SUPT3H: variants seen among roughly 807,000 people sequenced by gnomAD.
The protein encoded by SUPT3H is transcription initiation protein SPT3 homolog.
SUPT3H carries 44 observed loss-of-function variants against 44.3 expected under a neutral mutation model. That is an observed-to-expected ratio of 0.99 (90% CI 0.78 to 1.28). SUPT3H has a LOEUF of 1.28. Ranked by LOEUF, SUPT3H falls within the 50% of genes most tolerant of loss-of-function variation. SUPT3H has a pLI of 0.00. For missense variants in SUPT3H, 380 were observed against 387.1 expected (o/e 0.98, Z 0.15); for synonymous variants, 124 against 125.6 (o/e 0.99, Z 0.09).
At chr6:45,062,472 T>C (rs1792276075) in intron 3 of SUPT3H, among the ~76,000 whole-genome samples, 1 of 152,060 alleles carries the variant, frequency 6.6e-6, no homozygotes. Context: ...GATGGCCGAA[T>C]AGGAACAGCT....
rs144762031 is a variant in SUPT3H, at chr6:44,845,787, T to C, written c.913-15930A>G. On this transcript the variant is annotated intron_variant, in intron 10 of 10. Coordinates refer to ENST00000371459, the MANE Select transcript of SUPT3H (RefSeq NM_003599.4). ...CAACCCGACACCAGGGGAAAATATC[T>C]CCCTTCTGGCTCCCCTATCTGCTGA... Among the ~76,000 whole-genome samples the C allele has an allele frequency of 2.6e-5, 4 of 152,258 alleles. No individual in the cohort carries two copies. In the East Asian group the frequency reaches 7.7e-4, roughly 29 times the overall value.
At chr6:45,355,154 T>C (rs13191493) in intron 2 of SUPT3H, among the ~76,000 whole-genome samples, 2,017 of 150,438 alleles carry the variant, frequency 0.013, 31 homozygotes, top group Middle Eastern at 0.038. Flanking sequence ...TTTTTTTTTT[T>C]AGAGATGGGG....
At chr6:44,968,443 G>T (rs1455023189) in intron 6 of SUPT3H, among the ~76,000 whole-genome samples, 1 of 152,138 alleles carries the variant, frequency 6.6e-6, no homozygotes, top group Admixed American at 6.5e-5. Flanking sequence ...GGTCCAGAAA[G>T]GTTAAAGGAT....
chr6:44,995,335 T>G (rs1781132964), intron 6 of SUPT3H, among the ~76,000 whole-genome samples: 1 of 152,052 alleles, frequency 6.6e-6, no homozygotes, highest in Admixed American at 6.6e-5. Context: ...AGTATGACAA[T>G]TCACAGACAA....
At chr6:44,903,549 T>A (rs952178049) in intron 10 of SUPT3H, among the ~76,000 whole-genome samples, 8 of 152,026 alleles carry the variant, frequency 5.3e-5, no homozygotes, top group South Asian at 4.2e-4. Context: ...ATAGCTTACC[T>A]ACCAAAAAAA....
intron 10 of SUPT3H, among the ~76,000 whole-genome samples, chr6:44,929,407 A>G (rs1460925215): frequency 1.3e-5 from 2 of 152,146 alleles, no homozygotes; most frequent in Non-Finnish European, 2.9e-5. Context: ...TGGGTATTCT[A>G]AATTAGATGT....
chr6:44,937,838 C>G (rs926267425), intron 9 of SUPT3H, among the ~76,000 whole-genome samples: 5 of 150,720 alleles, frequency 3.3e-5, no homozygotes, highest in African/African-American at 4.9e-5. Context: ...GGCTGTTAGT[C>G]CCCTGTCGGA....
At chr6:44,970,082 C>T (rs1427473610) in intron 6 of SUPT3H, among the ~76,000 whole-genome samples, 1 of 151,918 alleles carries the variant, frequency 6.6e-6, no homozygotes, top group Non-Finnish European at 1.5e-5. Context: ...TTATCTATAT[C>T]CTATGGGTCT....
At chr6:45,010,078 T>C (rs1292109428) in intron 5 of SUPT3H, among the ~76,000 whole-genome samples, 1 of 152,122 alleles carries the variant, frequency 6.6e-6, no homozygotes, top group Non-Finnish European at 1.5e-5. Context: ...TTCCAAAATA[T>C]TTTATTCTTT....
downstream of SUPT3H, among the ~76,000 whole-genome samples, chr6:44,826,001 T>C (rs1767717187): frequency 6.6e-6 from 1 of 152,240 alleles, no homozygotes; most frequent in African/African-American, 2.4e-5. Context: ...CCATGACTTA[T>C]GACAGCTTGA....
intron 6 of SUPT3H, among the ~76,000 whole-genome samples, chr6:44,995,016 G>A (rs1394632289): frequency 1.3e-5 from 2 of 151,714 alleles, no homozygotes; most frequent in Non-Finnish European, 2.9e-5. Context: ...CTGCTCTGAA[G>A]ATGGTCTGTA....
intron 2 of SUPT3H, among the ~76,000 whole-genome samples, chr6:45,134,609 T>G (rs1713442050): frequency 6.6e-6 from 1 of 151,636 alleles, no homozygotes; most frequent in African/African-American, 2.4e-5. Context: ...CAACAAGTAC[T>G]GCAAAAATAA....
At chr6:44,949,442 AG>A (rs1449148302) in intron 9 of SUPT3H, among the ~76,000 whole-genome samples, 1 of 152,064 alleles carries the variant, frequency 6.6e-6, no homozygotes, top group Non-Finnish European at 1.5e-5. Flanking sequence ...GTCAAAAAAA[AG>A]AAAAAAAAGA....
intron 3 of SUPT3H, among the ~76,000 whole-genome samples, chr6:45,035,770 T>C (rs1470648882): frequency 2.0e-5 from 3 of 152,136 alleles, no homozygotes; most frequent in Non-Finnish European, 4.4e-5. Flanking sequence ...CTTTCCGTTT[T>C]AATTTGCTTC....
rs781009613 is a variant in SUPT3H, at chr6:44,953,281, G to A, written c.801+29C>T. 9 of 1,566,458 alleles carry A rather than the reference G, an allele frequency of 5.7e-6. No individual in the cohort carries two copies. The South Asian group carries it at 7.8e-5, about 14-fold the overall frequency. On this transcript the variant is annotated intron_variant, in intron 9 of 10. Transcript: ENST00000371459. ...CAGATATGTGTCAAAATTCACAAAT[G>A]TTTTAAGACAGATTTTTTTTGTACT...
intron 1 of SUPT3H, 96 bp from the exon 2 acceptor site, chr6:45,365,397 G>A: frequency 1.3e-6 from 1 of 783,720 alleles, no homozygotes; most frequent in Non-Finnish European, 2.0e-6. Context: ...TCAAAAAGTA[G>A]AGAAAATTTA....
chr6:44,843,527 G>C (rs1043146420), intron 10 of SUPT3H, among the ~76,000 whole-genome samples: 1 of 152,096 alleles, frequency 6.6e-6, no homozygotes, highest in African/African-American at 2.4e-5. Flanking sequence ...TGGAACTAGA[G>C]AGTTTAGTAA....
At chr6:44,891,136 A>T (rs907572556) in intron 10 of SUPT3H, among the ~76,000 whole-genome samples, 2 of 152,194 alleles carry the variant, frequency 1.3e-5, no homozygotes, top group Non-Finnish European at 2.9e-5. Context: ...AATAATAAAA[A>T]GAAGAAGACC....
chr6:44,890,123 G>A (rs1421121046), intron 10 of SUPT3H, among the ~76,000 whole-genome samples: 1 of 151,402 alleles, frequency 6.6e-6, no homozygotes, highest in Non-Finnish European at 1.5e-5. Context: ...GTGCTGGAGA[G>A]GATGTGGAGA....
Sources: allele counts gnomAD v4.1 joint callset (sites outside exome capture counted in the v4.1 genomes callset), GRCh38; gene constraint gnomAD v4.1.1; transcripts MANE v1.5; gene names NCBI Gene and HGNC (gene_info 2026-07-23, HGNC 2026-07-21).